Variants in OLFM3 observed in about 807,000 individuals in gnomAD.
OLFM3 encodes the protein noelin-3.
OLFM3 carries 20 observed loss-of-function variants against 48.6 expected under a neutral mutation model. The ratio of observed to expected loss-of-function variants is 0.41; its 90% confidence interval spans 0.29 to 0.60. The LOEUF is 0.60. Among genes scored for constraint, OLFM3 ranks in the 20% least tolerant of loss-of-function variants. The pLI is 0.28. For missense variants in OLFM3, 437 were observed against 544.3 expected (o/e 0.80, Z 1.96); for synonymous variants, 222 against 198.1 (o/e 1.12, Z -1.01).
intron 4 of OLFM3, among the ~76,000 whole-genome samples, chr1:101,809,894 T>C (rs1653966164): frequency 6.6e-6 from 1 of 151,936 alleles, no homozygotes; most frequent in African/African-American, 2.4e-5. Flanking sequence ...TAAACATTGC[T>C]ATAATAATGT....
At chr1:101,817,851 C>T (rs930324792) in intron 4 of OLFM3, among the ~76,000 whole-genome samples, 3 of 151,864 alleles carry the variant, frequency 2.0e-5, no homozygotes, top group African/African-American at 7.3e-5. Flanking sequence ...TTTGTCTGTA[C>T]CATACATTTG....
intron 1 of OLFM3, among the ~76,000 whole-genome samples, chr1:101,978,492 CA>C (rs1473525405): frequency 6.6e-6 from 1 of 152,014 alleles, no homozygotes; most frequent in Admixed American, 6.5e-5. Flanking sequence ...CTGTTTAAGA[CA>C]ACAGCTCAAA....
intron 1 of OLFM3, among the ~76,000 whole-genome samples, chr1:101,895,273 C>T (rs763370215): frequency 2.0e-5 from 3 of 152,004 alleles, no homozygotes; most frequent in Non-Finnish European, 4.4e-5. Flanking sequence ...CTGTTCCACT[C>T]TACTAGAATC....
At chr1:101,915,284 A>G (rs545944572) in intron 1 of OLFM3, among the ~76,000 whole-genome samples, 1 of 152,232 alleles carries the variant, frequency 6.6e-6, no homozygotes, top group African/African-American at 2.4e-5. Context: ...GGGAATTATT[A>G]TTTAAATAAT....
chr1:101,969,653 T>C (rs1483307156), intron 1 of OLFM3, among the ~76,000 whole-genome samples: 2 of 152,236 alleles, frequency 1.3e-5, no homozygotes, highest in Non-Finnish European at 2.9e-5. Flanking sequence ...TATTTCTATG[T>C]CCAGCAATTC....
At chr1:101,861,390 G>C (rs1656650507) in intron 1 of OLFM3, among the ~76,000 whole-genome samples, 1 of 152,228 alleles carries the variant, frequency 6.6e-6, no homozygotes, top group African/African-American at 2.4e-5. Context: ...CTGTCAGAAA[G>C]AAGATGTTCA....
At chr1:101,881,258 A>G (rs1381005956) in intron 1 of OLFM3, among the ~76,000 whole-genome samples, 1 of 151,908 alleles carries the variant, frequency 6.6e-6, no homozygotes, top group East Asian at 1.9e-4. Context: ...TTCACTCTGT[A>G]TTAAAAGTAA....
At chr1:101,918,957 G>C (rs1241910781) in intron 1 of OLFM3, among the ~76,000 whole-genome samples, 1 of 152,010 alleles carries the variant, frequency 6.6e-6, no homozygotes, top group Non-Finnish European at 1.5e-5. Context: ...CCCATTTCAG[G>C]TTTCAAAAGA....
intron 1 of OLFM3, among the ~76,000 whole-genome samples, chr1:101,992,780 A>G (rs1047722553): frequency 1.2e-4 from 19 of 152,166 alleles, no homozygotes; most frequent in African/African-American, 4.6e-4. Context: ...ATTATGAAAC[A>G]TTCAACAATA....
Position 101,896,051 on chromosome 1 carries a change from T to C in OLFM3, c.70-59026A>G, listed in dbSNP as rs144556511. Among the ~76,000 whole-genome samples, 1,119 of 151,542 alleles carry C rather than the reference T, an allele frequency of 7.4e-3. 11 individuals carry two copies. The highest frequency in any genetic ancestry group is 0.012 in the Non-Finnish European group (823 of 67,888). ...TTATATCGATTTATGTAATAAAATA[T>C]ACACGTACAAAGATATGCAACAATA... is the stretch of plus-strand genomic sequence containing the variant. On this transcript the variant is annotated intron_variant, in intron 1 of 5. Coordinates refer to ENST00000370103, the MANE Select transcript of OLFM3 (RefSeq NM_058170.4).
At chr1:101,935,628 G>A (rs1659589726) in intron 1 of OLFM3, among the ~76,000 whole-genome samples, 2 of 152,194 alleles carry the variant, frequency 1.3e-5, no homozygotes, top group African/African-American at 2.4e-5. Flanking sequence ...TATTTTACAA[G>A]GCCAGCATCA....
chr1:101,960,054 G>C (rs917844598), intron 1 of OLFM3, among the ~76,000 whole-genome samples: 3 of 152,038 alleles, frequency 2.0e-5, no homozygotes, highest in Admixed American at 6.6e-5. Context: ...GAAAAACCCT[G>C]TATTCTGCAA....
At chr1:101,865,988 C>T (rs1390396573) in intron 1 of OLFM3, among the ~76,000 whole-genome samples, 4 of 152,140 alleles carry the variant, frequency 2.6e-5, no homozygotes, top group Non-Finnish European at 4.4e-5. Context: ...TGCAACAAAG[C>T]TGTTTGCCTT....
At chr1:101,945,558 T>A (rs934140665) in intron 1 of OLFM3, among the ~76,000 whole-genome samples, 1 of 150,812 alleles carries the variant, frequency 6.6e-6, no homozygotes, top group Non-Finnish European at 1.5e-5. Flanking sequence ...GGTGATAGAT[T>A]TTTTTTTTAT....
chr1:101,811,378 A>G (rs1654042165), intron 4 of OLFM3, among the ~76,000 whole-genome samples: 1 of 152,166 alleles, frequency 6.6e-6, no homozygotes, highest in Non-Finnish European at 1.5e-5. Context: ...ACAGCAAAAG[A>G]AACTACCATC....
chr1:101,920,721 G>C (rs934453328), intron 1 of OLFM3, among the ~76,000 whole-genome samples: 1 of 152,162 alleles, frequency 6.6e-6, no homozygotes, highest in Non-Finnish European at 1.5e-5. Context: ...GCTTCTGCCA[G>C]AGCTCTTGTA....
chr1:101,942,247 A>G (rs186564249), intron 1 of OLFM3, among the ~76,000 whole-genome samples: 1 of 152,326 alleles, frequency 6.6e-6, no homozygotes, highest in East Asian at 1.9e-4. Flanking sequence ...AACACTTCTG[A>G]AACATATTCA....
chr1:101,930,134 C>T (rs1659401417), intron 1 of OLFM3, among the ~76,000 whole-genome samples: 1 of 152,112 alleles, frequency 6.6e-6, no homozygotes, highest in Non-Finnish European at 1.5e-5. Flanking sequence ...TAAACCAACC[C>T]AGAGGGACTG....
At chr1:101,809,294 G>T (rs1418092192) in intron 4 of OLFM3, among the ~76,000 whole-genome samples, 1 of 151,806 alleles carries the variant, frequency 6.6e-6, no homozygotes, top group Non-Finnish European at 1.5e-5. Flanking sequence ...AATGTTAGAA[G>T]ATTAAGAGTA....
Sources: allele counts gnomAD v4.1 joint callset (sites outside exome capture counted in the v4.1 genomes callset), GRCh38; gene constraint gnomAD v4.1.1; transcripts MANE v1.5; gene names NCBI Gene and HGNC (gene_info 2026-07-23, HGNC 2026-07-21).